COL6A2: variants seen among roughly 807,000 people sequenced by gnomAD.
The protein encoded by COL6A2 is collagen type VI alpha 2 chain.
A neutral mutation model predicts 124.9 loss-of-function variants in COL6A2; 90 were observed. The observed-to-expected ratio is 0.72, with a 90% CI of 0.61 to 0.86. The LOEUF (loss-of-function observed/expected upper bound fraction) is 0.86. COL6A2 is among the 40% of genes least tolerant of loss of function. COL6A2 has a pLI of 0.00. For synonymous variants in COL6A2, 793 were observed against 618.2 expected, an observed-to-expected ratio of 1.28 and a Z score of -4.19; for missense variants, 1,607 against 1,502.5, an observed-to-expected ratio of 1.07 and a Z score of -1.15.
chr21:46,128,875 A>G (rs769101812), intron 27 of COL6A2: 2 of 1,584,950 alleles, frequency 1.3e-6, no homozygotes, highest in Non-Finnish European at 1.7e-6. Flanking sequence ...TGGAAGCCCT[A>G]CTGGAGTTTG....
rs569520337 is a variant in COL6A2, at chr21:46,103,856, A to G, written c.-28+5683A>G. Among the ~76,000 whole-genome samples the G allele has an allele frequency of 2.6e-5, 4 of 152,344 alleles. No individual in the cohort carries two copies. The South Asian group carries it at 8.3e-4, about 32-fold the overall frequency. On this transcript the variant is annotated intron_variant, in intron 1 of 27. Coordinates refer to ENST00000300527, the MANE Select transcript of COL6A2 (RefSeq NM_001849.4). ...TCTCCGTCTGGTTGAAGTGACTTCC[A>G]GGAGATTTAAAGGGCTGGCACCCTT...
rs2078476188 is a variant in COL6A2 at position 46,116,709 on chromosome 21, TC to T, written c.954+34del. 1.2e-6 allele frequency: 2 copies of T among 1,612,882 alleles called. No homozygotes were observed. Among genetic ancestry groups the T allele is most frequent in the East Asian group, 2.2e-5 (1 of 44,894 alleles). On this transcript the variant is annotated intron_variant, in intron 9 of 27. Transcript: ENST00000300527. The surrounding 1 kb of genome is among the most constrained non-coding windows in gnomAD (Gnocchi z 4.6). ...TGGCTGGGTAGGCAGAGCCCCTCCT[TC>T]CTGCTGCTCAGGGCAGAAGGACCGG...
chr21:46,118,980 G>C (rs954538536), intron 13 of COL6A2, 50 bp from the exon 14 acceptor site: 2 of 1,400,550 alleles, frequency 1.4e-6, no homozygotes, highest in South Asian at 1.1e-5. Context: ...GCGTGACCAT[G>C]CCTCAGGGCC....
chr21:46,129,902 G>A, intron 27 of COL6A2: 2 of 973,338 alleles, frequency 2.1e-6, no homozygotes. Context: ...CGGCCCAGCT[G>A]GGCTGCCGTG....
At position 46,132,237 on chromosome 21, in the gene COL6A2, G is replaced by A. The variant is rs144516266; in HGVS notation, c.2745G>A (p.Ser915=). ...CCACACAATACCTGAACTCCTTCTC[G>A]CACGTGGGCGCAGGCGTGGTGCACG... ...LETTQYLNSF[S]HVGAGVVHAI... The change falls in exon 28 of 28, where the codon TCG becomes TCA. Residue 915 remains serine, a synonymous_variant. Coordinates refer to ENST00000300527, the MANE Select transcript of COL6A2 (RefSeq NM_001849.4). The A allele has an allele frequency of 3.2e-5, 52 of 1,600,938 alleles. No homozygotes were observed. Among genetic ancestry groups the A allele is most frequent in the African/African-American group, 3.2e-4 (24 of 74,740 alleles).
intron 1 of COL6A2, among the ~76,000 whole-genome samples, chr21:46,109,291 GT>G (rs775064019): frequency 2.0e-5 from 3 of 152,182 alleles, no homozygotes; most frequent in Non-Finnish European, 4.4e-5. Context: ...TCTGCAGCTG[GT>G]CGTGCCATGC....
At chr21:46,101,562 T>C (rs766672658) in intron 1 of COL6A2, among the ~76,000 whole-genome samples, 1 of 152,188 alleles carries the variant, frequency 6.6e-6, no homozygotes, top group Non-Finnish European at 1.5e-5. Context: ...CCATTTTGAG[T>C]TAATTTTTGT....
At chr21:46,122,472 C>T (rs761878444) in intron 19 of COL6A2, 24 bp from the exon 20 acceptor site, 4 of 1,612,810 alleles carry the variant, frequency 2.5e-6, no homozygotes, top group South Asian at 1.1e-5. Context: ...GGCTGAGTCA[C>T]CCTGGCTTCT....
chr21:46,125,466 C>G lies in COL6A2; in HGVS notation c.1818C>G (p.Asp606Glu). Residue 606 changes from aspartate (D) to glutamate (E), a missense_variant and splice_region_variant, in exon 25 of 28, where the codon GAC (aspartate) becomes GAG (glutamate). Physicochemically the swap from Asp to Glu is conservative, Grantham distance 45. Coordinates refer to ENST00000300527, the MANE Select transcript of COL6A2 (RefSeq NM_001849.4). ...TYVRETCGCCDCEKRCGALDV... is the reference protein window; with the variant it reads ...TYVRETCGCCECEKRCGALDV... ...CCGATGACCCTGCCACCCCCCCAGA[C>G]TGTGAGAAGCGCTGTGGCGCCCTGG... 6 of 1,612,388 alleles carry G rather than the reference C, an allele frequency of 3.7e-6. No homozygotes were observed. Among genetic ancestry groups the G allele is most frequent in the Non-Finnish European group, 5.1e-6 (6 of 1,179,508 alleles).
At position 46,129,783 on chromosome 21, in the gene COL6A2, C is replaced by T. The variant is rs568652838; in HGVS notation, c.2462-2171C>T. 5.8e-5 allele frequency: 74 copies of T among 1,284,530 alleles called. No homozygotes were observed. The East Asian group carries it at 1.5e-3, about 25-fold the overall frequency. The allele number at this position is 1,284,530 out of a possible 1,614,324, so 79.6% of individuals were successfully genotyped here. On this transcript the variant is annotated intron_variant, in intron 27 of 27. Coordinates refer to ENST00000300527, the MANE Select transcript of COL6A2 (RefSeq NM_001849.4). The stretch of plus-strand genomic sequence containing the variant: ...GCCCACCCCAAGTCCAGAATGACCT[C>T]GCAAGACCCTTAACTCACTCCCGTC...
chr21:46,126,563 C>T (rs1403064485), intron 27 of COL6A2, 22 bp downstream of exon 27: 3 of 1,613,204 alleles, frequency 1.9e-6, no homozygotes, highest in Middle Eastern at 1.6e-4. Context: ...CACCCTGAGC[C>T]ACCACCCCAG....
chr21:46,129,279 C>A, intron 27 of COL6A2: 1 of 1,612,954 alleles, frequency 6.2e-7, no homozygotes, highest in East Asian at 2.2e-5. Flanking sequence ...CAGGACCATT[C>A]CCCTGATCCA....
chr21:46,132,461 T>C lies in COL6A2; in HGVS notation c.2969T>C (p.Leu990Pro). ...ATGGACGTGCTCACCACGCTCAGCC[T>C]GGGTGACCGCGCCGCCGTGTTCCAC... is the stretch of plus-strand genomic sequence containing the variant. ...VDMDVLTTLS[L>P]GDRAAVFHEK... The change falls in exon 28 of 28, where the codon CTG becomes CCG. Residue 990 changes from leucine (L) to proline (P), a missense_variant. By Grantham distance (98) the Leu-to-Pro change is moderately conservative. This residue lies in a region of COL6A2 where 1,223 missense variants were observed against 1,052.2 expected (regional missense o/e 1.16). Coordinates refer to ENST00000300527, the MANE Select transcript of COL6A2 (RefSeq NM_001849.4). The C allele has an allele frequency of 6.2e-7, 1 of 1,606,850 alleles. No individual in the cohort carries two copies. Among genetic ancestry groups the C allele is most frequent in the Non-Finnish European group, 8.5e-7 (1 of 1,177,392 alleles).
At chr21:46,122,404 G>A in intron 19 of COL6A2, 92 bp from the exon 20 acceptor site, 2 of 1,538,458 alleles carry the variant, frequency 1.3e-6, no homozygotes, top group African/African-American at 1.4e-5. Flanking sequence ...AATGAGCGAG[G>A]GAGGGAAACG....
intron 1 of COL6A2, among the ~76,000 whole-genome samples, chr21:46,098,577 C>T (rs1273960918): frequency 1.3e-5 from 2 of 151,334 alleles, no homozygotes; most frequent in Non-Finnish European, 3.0e-5. Context: ...CTCCGGCCCG[C>T]GGGGAAGACG....
intron 1 of COL6A2, among the ~76,000 whole-genome samples, chr21:46,107,787 TTTGAATTTTC>T (rs1422666207): frequency 2.6e-5 from 4 of 152,212 alleles, no homozygotes; most frequent in Non-Finnish European, 5.9e-5. Flanking sequence ...CTCTCCCCGC[TTTGAATTTTC>T]CTGCCTTTCT....
At chr21:46,126,607 G>T in intron 27 of COL6A2, 66 bp downstream of exon 27, 1 of 1,597,138 alleles carries the variant, frequency 6.3e-7, no homozygotes, top group Non-Finnish European at 8.6e-7. Flanking sequence ...CTTCCTCCTC[G>T]AGGGCCGGGC....
rs1057519185 is a variant in COL6A2, at chr21:46,118,639, G to C, written c.1142G>C (p.Arg381Thr). ...GGGGACCCTGGCCGCCCAGGACGCAGAGGGCCCCCGGGAGAAATCGGGGCC... is the reference window on the plus strand; with the variant it reads ...GGGGACCCTGGCCGCCCAGGACGCACAGGGCCCCCGGGAGAAATCGGGGCC... ...GKGDPGRPGR[R>T]GPPGEIGAKG... The change falls in exon 13 of 28, where the codon AGA becomes ACA. Residue 381 changes from arginine (R) to threonine (T), a missense_variant. Around this residue, in one of 3 missense-constraint regions of COL6A2, gnomAD observed 1,223 missense variants for 1,052.2 expected, o/e 1.16. Coordinates refer to ENST00000300527, the MANE Select transcript of COL6A2 (RefSeq NM_001849.4). 1 of 1,612,508 alleles carries C rather than the reference G, an allele frequency of 6.2e-7. No individual in the cohort carries two copies. The highest frequency in any genetic ancestry group is 8.5e-7 in the Non-Finnish European group (1 of 1,179,870).
intron 26 of COL6A2, 121 bp from the exon 27 acceptor site, chr21:46,126,378 CCTCT>C: frequency 2.0e-6 from 3 of 1,522,660 alleles, no homozygotes; most frequent in Non-Finnish European, 1.8e-6. Flanking sequence ...GGGGTCGGGC[CCTCT>C]CGGGGCTGCA....
Sources: gnomAD v4.1 joint callset for allele counts (sites outside exome capture counted in the v4.1 genomes callset) on GRCh38, gnomAD v4.1.1 for gene constraint, gnomAD v4.1.1 regional missense constraint, Gnocchi (gnomAD v3.1) non-coding constraint, MANE v1.5 for transcripts, NCBI Gene and HGNC (gene_info 2026-07-23, HGNC 2026-07-21) for gene names.